The following PPRC1 variants were observed in gnomAD, a reference collection of about 807,000 sequenced individuals.
The protein encoded by PPRC1 is peroxisome proliferator-activated receptor gamma coactivator-related protein 1.
PPRC1 carries 23 observed loss-of-function variants against 132.5 expected under a neutral mutation model. The ratio of observed to expected loss-of-function variants is 0.17; its 90% CI spans 0.12 to 0.25. The LOEUF (loss-of-function observed/expected upper bound fraction) is 0.25, where lower values mean the gene tolerates loss of function less well. Among genes scored for constraint, PPRC1 ranks in the 10% least tolerant of loss-of-function variants. The pLI is 1.00. For missense variants in PPRC1, 2,006 were observed against 2,089.1 expected, an observed-to-expected ratio of 0.96 and a Z score of 0.78; for synonymous variants, 872 against 833.5, an observed-to-expected ratio of 1.05 and a Z score of -0.80.
Position 102,137,977 on chromosome 10 carries a change from T to C in PPRC1, c.281T>C (p.Met94Thr), listed in dbSNP as rs1181170733. The change falls in exon 2 of 14, where the codon ATG becomes ACG. Residue 94 changes from methionine (M) to threonine (T), a missense_variant. Around this residue, in one of 2 missense-constraint regions of PPRC1, gnomAD observed 1,914 missense variants for 1,917.2 expected, o/e 1.00. Coordinates refer to ENST00000278070, the MANE Select transcript of PPRC1 (RefSeq NM_015062.5). ...MLQDETLLGT[M>T]QSYMDASLIS... Reference sequence around the variant, plus strand: ...CAGGATGAGACACTGCTGGGGACCATGCAGAGCTACATGGATGCCTCCCTT... The same window carrying C: ...CAGGATGAGACACTGCTGGGGACCACGCAGAGCTACATGGATGCCTCCCTT... The C allele has an allele frequency of 1.2e-6, 2 of 1,614,130 alleles. No individual in the cohort carries two copies. The highest frequency in any genetic ancestry group is 4.5e-5 in the East Asian group (2 of 44,878).
the PPRC1 span, among the ~76,000 whole-genome samples, chr10:102,126,162 T>G: frequency 1.3e-5 from 2 of 152,190 alleles, no homozygotes; most frequent in East Asian, 3.9e-4. Context: ...GCGCCCGGCT[T>G]GGCATCACTC....
At chr10:102,138,555 C>A in intron 2 of PPRC1, 64 bp from the exon 3 acceptor site, 1 of 1,573,378 alleles carries the variant, frequency 6.4e-7, no homozygotes, top group Non-Finnish European at 8.7e-7. Flanking sequence ...GATATCCAGT[C>A]CTTAGTGGCA....
chr10:102,130,129 C>T (rs1275885128), upstream of PPRC1, among the ~76,000 whole-genome samples: 2 of 151,962 alleles, frequency 1.3e-5, no homozygotes, highest in Admixed American at 6.6e-5. Context: ...AATTAAGAAA[C>T]AATTAGGCTG....
chr10:102,136,275 G>A (rs1013914522), intron 1 of PPRC1, among the ~76,000 whole-genome samples: 10 of 152,038 alleles, frequency 6.6e-5, no homozygotes, highest in African/African-American at 2.4e-4. Flanking sequence ...TTTCCTGGGC[G>A]TTGGTACTCA....
At chr10:102,128,518 C>T (rs1293706378), upstream of PPRC1, among the ~76,000 whole-genome samples, 7 of 152,032 alleles carry the variant, frequency 4.6e-5, no homozygotes, top group Non-Finnish European at 7.4e-5. Context: ...TTTGATTTCC[C>T]CAGAGCAAGA....
chr10:102,134,527 T>C (rs375445507), intron 1 of PPRC1, among the ~76,000 whole-genome samples: 8 of 152,228 alleles, frequency 5.3e-5, no homozygotes, highest in East Asian at 3.8e-4. Flanking sequence ...CTTGACAGCA[T>C]TTTTTGTGTG....
Position 102,149,242 on chromosome 10 carries a change from C to T in PPRC1, c.4804C>T (p.His1602Tyr). The stretch of plus-strand genomic sequence containing the variant: ...GGCATTTGCAGCCATTGAGAGTGGC[C>T]ACAAGCTGCGGCAGGCAGATGAGCA... ...EEAFAAIESG[H>Y]KLRQADEQPF... Residue 1602 changes from histidine (H) to tyrosine (Y), a missense_variant, in exon 13 of 14, where the codon CAC becomes TAC. Coordinates refer to ENST00000278070, the MANE Select transcript of PPRC1 (RefSeq NM_015062.5). The T allele has an allele frequency of 6.2e-7, 1 of 1,612,328 alleles. No homozygotes were observed. Among genetic ancestry groups the T allele is most frequent in the African/African-American group, 1.3e-5 (1 of 74,972 alleles).
At chr10:102,126,023 C>T in the PPRC1 span, among the ~76,000 whole-genome samples, 15 of 152,190 alleles carry the variant, frequency 9.9e-5, no homozygotes, top group East Asian at 1.7e-3. Context: ...CCACCATGCC[C>T]GGCTAATATT....
intron 1 of PPRC1, among the ~76,000 whole-genome samples, chr10:102,135,123 G>A (rs752574919): frequency 2.6e-5 from 4 of 152,214 alleles, no homozygotes; most frequent in Non-Finnish European, 5.9e-5. Flanking sequence ...TGAGACAAAA[G>A]TGCAGGATAT....
chr10:102,129,759 C>T (rs1260874469), upstream of PPRC1, among the ~76,000 whole-genome samples: 1 of 152,118 alleles, frequency 6.6e-6, no homozygotes, highest in Non-Finnish European at 1.5e-5. Flanking sequence ...TAGGCGCCAC[C>T]ACGCTTGGCT....
In PPRC1 at chr10:102,141,130, G is replaced by A. The variant is rs184648881; in HGVS notation, c.2622G>A (p.Ser874=). The A allele has an allele frequency of 8.9e-5, 144 of 1,613,884 alleles. 1 individual carries two copies. The highest frequency in any genetic ancestry group is 4.9e-4 in the Middle Eastern group (3 of 6,062). The part of the protein sequence containing the change: ...SVSPAVPTPP[S]MSAALPFPAG... ...CCCCTGCTGTGCCCACACCTCCCTC[G>A]ATGTCTGCTGCCCTGCCTTTCCCTG... Residue 874 remains serine (S), a synonymous_variant, in exon 5 of 14, where the codon TCG becomes TCA. Transcript: ENST00000278070.
chr10:102,138,266 C>G (rs1199190510), intron 2 of PPRC1, among the ~76,000 whole-genome samples: 1 of 152,232 alleles, frequency 6.6e-6, no homozygotes, highest in Non-Finnish European at 1.5e-5. Flanking sequence ...AGTCCAAGGC[C>G]TTTCCCACTG....
rs1264248048 is a variant in PPRC1 at position 102,147,028 on chromosome 10, T to C, written c.4036T>C (p.Cys1346Arg). 1.2e-6 allele frequency: 2 copies of C among 1,613,956 alleles called. No homozygotes were observed. The highest frequency in any genetic ancestry group is 2.2e-5 in the East Asian group (1 of 44,894). The change falls in exon 9 of 14, where the codon TGC (cysteine) becomes CGC (arginine). Residue 1346 changes from cysteine to arginine, a missense_variant. Transcript: ENST00000278070. The stretch of plus-strand genomic sequence containing the variant: ...GGGCCCAGCTGCCCCTCCGCCCCCA[T>C]GCATAGCTGCCTCCCGGGAGCCGCT... ...SLGPAAPPPPCIAASREPLDH... is the reference protein window; with the variant it reads ...SLGPAAPPPPRIAASREPLDH...
At chr10:102,144,066 G>A (rs774934601) in intron 6 of PPRC1, among the ~76,000 whole-genome samples, 184 bp from the exon 7 acceptor site, 1 of 152,216 alleles carries the variant, frequency 6.6e-6, no homozygotes, top group Admixed American at 6.5e-5. Context: ...GAGCAGAAAA[G>A]AGACATGATT....
Position 102,149,893 on chromosome 10 carries a change from C to G in PPRC1, c.4892-33C>G, listed in dbSNP as rs199768444. 2.0e-6 allele frequency: 3 copies of G among 1,523,526 alleles called. No homozygotes were observed. In the East Asian group the frequency reaches 6.8e-5, roughly 34 times the overall value. The allele number at this position is 1,523,526 out of a possible 1,614,324, so 94.4% of individuals were successfully genotyped here. Reference sequence around the variant, plus strand: ...AGACCCTGTGGTTGGGAAGTGTGGTCAGAGACCTTGAAGTTTGTCTTTACC... The same window carrying G: ...AGACCCTGTGGTTGGGAAGTGTGGTGAGAGACCTTGAAGTTTGTCTTTACC... On this transcript the variant is annotated intron_variant, in intron 13 of 13. Transcript: ENST00000278070.
chr10:102,131,548 T>C (rs2068543516), upstream of PPRC1, among the ~76,000 whole-genome samples: 1 of 152,262 alleles, frequency 6.6e-6, no homozygotes, highest in South Asian at 2.1e-4. Context: ...TTGAATTTCA[T>C]GGAAACTATT....
intron 9 of PPRC1, among the ~76,000 whole-genome samples, chr10:102,147,792 G>T (rs994844908): frequency 6.6e-6 from 1 of 152,122 alleles, no homozygotes; most frequent in Non-Finnish European, 1.5e-5. Context: ...AGGTGTCTGG[G>T]GCAGTTCCTT....
At chr10:102,144,363 A>C in intron 7 of PPRC1, 56 bp downstream of exon 7, 1 of 1,532,388 alleles carries the variant, frequency 6.5e-7, no homozygotes, top group Non-Finnish European at 9.0e-7. Context: ...CAGCCGGCTG[A>C]CACTCCAGGA....
At position 102,138,004 on chromosome 10, in the gene PPRC1, T is replaced by C; in HGVS notation, c.308T>C (p.Ile103Thr). The change falls in exon 2 of 14, where the codon ATC (isoleucine) becomes ACC (threonine). Residue 103 changes from isoleucine to threonine, a missense_variant. This residue lies in a region of PPRC1 where 1,914 missense variants were observed against 1,917.2 expected (regional missense o/e 1.00). Coordinates refer to ENST00000278070, the MANE Select transcript of PPRC1 (RefSeq NM_015062.5). The stretch of plus-strand genomic sequence containing the variant: ...CAGAGCTACATGGATGCCTCCCTTA[T>C]CTCCCTCATTGAGGATTTTGGGAGC... Reference protein sequence around the residue: ...TMQSYMDASLISLIEDFGSLG... With the variant: ...TMQSYMDASLTSLIEDFGSLG... 1 of 1,613,978 alleles carries C rather than the reference T, an allele frequency of 6.2e-7. No homozygotes were observed. The highest frequency in any genetic ancestry group is 8.5e-7 in the Non-Finnish European group (1 of 1,179,952).
Sources: gnomAD v4.1 joint callset for allele counts (sites outside exome capture counted in the v4.1 genomes callset) on GRCh38, gnomAD v4.1.1 for gene constraint, gnomAD v4.1.1 regional missense constraint, MANE v1.5 for transcripts, NCBI Gene and HGNC (gene_info 2026-07-23, HGNC 2026-07-21) for gene names.